The following NEXMIF variants were observed in gnomAD, a reference collection of about 807,000 sequenced individuals.
The protein encoded by NEXMIF is neurite extension and migration factor, also known as XLMR protein related to neurite extension.
NEXMIF carries 8 observed loss-of-function variants against 62.1 expected under a neutral mutation model. The ratio of observed to expected loss-of-function variants is 0.13; its 90% CI spans 0.08 to 0.23. The LOEUF is 0.23. Ranked by LOEUF, NEXMIF falls within the 10% of genes least tolerant of loss-of-function variation. NEXMIF has a pLI of 1.00. For synonymous variants in NEXMIF, 404 were observed against 416.6 expected, an observed-to-expected ratio of 0.97 and a Z score of 0.37; for missense variants, 976 against 1,113.3, an observed-to-expected ratio of 0.88 and a Z score of 1.75.
chrX:74,742,612 T>G lies in NEXMIF; in HGVS notation c.1945A>C (p.Ser649Arg). 1 of 1,211,175 alleles carries G rather than the reference T, an allele frequency of 8.3e-7. No individual in the cohort carries two copies. The highest frequency in any genetic ancestry group is 1.1e-6 in the Non-Finnish European group (1 of 895,088). ...QRIPSIEISASSKQISLCNDQ... is the reference protein window; with the variant it reads ...QRIPSIEISARSKQISLCNDQ... Reference sequence around the variant, plus strand: ...TTACATAATGAAATCTGTTTACTACTTGCTGAAATTTCAATGGATGGGATT... The same window carrying G: ...TTACATAATGAAATCTGTTTACTACGTGCTGAAATTTCAATGGATGGGATT... The change falls in exon 3 of 4, where the codon AGT becomes CGT. Residue 649 changes from serine to arginine, a missense_variant. By Grantham distance (110) the Ser-to-Arg change is moderately radical. Coordinates refer to ENST00000055682, the MANE Select transcript of NEXMIF (RefSeq NM_001008537.3).
chrX:74,818,119 T>TA (rs781110243), intron 1 of NEXMIF, among the ~76,000 whole-genome samples: 1 of 109,741 alleles, frequency 9.1e-6, no homozygotes, highest in Non-Finnish European at 1.9e-5. Flanking sequence ...AAAAAAATTA[T>TA]AAAAAAAACT....
intron 1 of NEXMIF, among the ~76,000 whole-genome samples, chrX:74,768,566 CTG>C (rs1288808439): frequency 8.9e-6 from 1 of 112,305 alleles, no homozygotes; most frequent in African/African-American, 3.2e-5. Flanking sequence ...GGGAGGAAGA[CTG>C]TAGCTCAACA....
chrX:74,895,138 A>G lies in NEXMIF; in HGVS notation c.-48+29745T>C, dbSNP rs374851069. On this transcript the variant is annotated intron_variant, in intron 1 of 3. Coordinates refer to ENST00000055682, the MANE Select transcript of NEXMIF (RefSeq NM_001008537.3). ...TGATGTTTCAGGAGACAAAATCAACATACAAAAAACAATAGCATTTCTATA... is the reference window on the plus strand; with the variant it reads ...TGATGTTTCAGGAGACAAAATCAACGTACAAAAAACAATAGCATTTCTATA... Among the ~76,000 whole-genome samples the G allele has an allele frequency of 6.2e-5, 7 of 112,717 alleles. No individual in the cohort carries two copies. The South Asian group carries it at 2.2e-3, about 35-fold the overall frequency.
chrX:74,793,018 A>T (rs1220959128), intron 1 of NEXMIF, among the ~76,000 whole-genome samples: 1 of 108,678 alleles, frequency 9.2e-6, no homozygotes, highest in African/African-American at 3.4e-5. Flanking sequence ...TCCTGTCATT[A>T]TGATGTTAGC....
At chrX:74,765,086 G>A (rs1450651805) in intron 1 of NEXMIF, among the ~76,000 whole-genome samples, 2 of 111,908 alleles carry the variant, frequency 1.8e-5, no homozygotes, top group African/African-American at 6.5e-5. Context: ...CTAAGAACTT[G>A]CTTTATGAAT....
chrX:74,755,795 T>C (rs371759124), intron 1 of NEXMIF, among the ~76,000 whole-genome samples: 4 of 112,201 alleles, frequency 3.6e-5, no homozygotes, highest in African/African-American at 1.3e-4. Flanking sequence ...TGCTTAGACC[T>C]TTTCACAGCC....
In NEXMIF at chrX:74,740,316, T is replaced by C. The variant is rs746566587; in HGVS notation, c.4241A>G (p.Asn1414Ser). The C allele has an allele frequency of 9.1e-6, 11 of 1,211,536 alleles. No individual in the cohort carries two copies. Among genetic ancestry groups the C allele is most frequent in the Non-Finnish European group, 1.2e-5 (11 of 895,393 alleles). The change falls in exon 3 of 4, where the codon AAC becomes AGC. Residue 1414 changes from asparagine to serine, a missense_variant. This residue lies in a region of NEXMIF where 137 missense variants were observed against 128.9 expected (regional missense o/e 1.06). Transcript: ENST00000055682. ...AGAGTCCTCGTTATAACCAGGCATG[T>C]TTGCACGACCAGGATCACCTATTGC... ...KTAIGDPGRA[N>S]MPGYNEDSRS... is the part of the protein sequence containing the mutation.
At chrX:74,910,250 G>T (rs1006681078) in intron 1 of NEXMIF, among the ~76,000 whole-genome samples, 1 of 112,546 alleles carries the variant, frequency 8.9e-6, no homozygotes, top group Non-Finnish European at 1.9e-5. Context: ...AAGCCACAGA[G>T]GTGGAGCTGC....
Position 74,810,635 on chromosome X carries a change from CA to C in NEXMIF, c.-47-64939del, listed in dbSNP as rs55839741. 1.8e-3 allele frequency among the ~76,000 whole-genome samples: 133 copies of C among 72,794 alleles called. 1 individual carries two copies. In the East Asian group the frequency reaches 0.052, roughly 28 times the overall value. The allele number at this position is 72,794 out of a possible 115,157, so 63.2% of individuals were successfully genotyped here. On this transcript the variant is annotated intron_variant, in intron 1 of 3. Transcript: ENST00000055682. ...GCAACATGGCAAAACCCTCCCTCTA[CA>C]AAAAAAAAAAAAAAGGAAATCTGTC...
chrX:74,873,422 G>A (rs1430795651), intron 1 of NEXMIF, among the ~76,000 whole-genome samples: 2 of 111,847 alleles, frequency 1.8e-5, no homozygotes, highest in African/African-American at 3.3e-5. Flanking sequence ...CCAAGTCTTT[G>A]CTATTGTGAA....
At chrX:74,898,198 T>A (rs1602271080) in intron 1 of NEXMIF, among the ~76,000 whole-genome samples, 1 of 112,074 alleles carries the variant, frequency 8.9e-6, no homozygotes, top group East Asian at 2.8e-4. Flanking sequence ...AGCCAGATAA[T>A]TACAGTCAAC....
chrX:74,854,322 C>A (rs755479607), intron 1 of NEXMIF, among the ~76,000 whole-genome samples: 59 of 111,917 alleles, frequency 5.3e-4, no homozygotes, highest in Non-Finnish European at 8.3e-4. Flanking sequence ...TGACGGACAA[C>A]AATAATATGA....
At chrX:74,849,352 G>C (rs2080505128) in intron 1 of NEXMIF, among the ~76,000 whole-genome samples, 1 of 112,439 alleles carries the variant, frequency 8.9e-6, no homozygotes, top group East Asian at 2.8e-4. Context: ...TGCAGGAAAA[G>C]GGTATGTGAG....
intron 1 of NEXMIF, among the ~76,000 whole-genome samples, chrX:74,787,391 C>T (rs894218020): frequency 2.7e-5 from 3 of 111,555 alleles, no homozygotes; most frequent in Non-Finnish European, 5.7e-5. Context: ...TCTCCGTGAC[C>T]AGTAATAATA....
intron 1 of NEXMIF, among the ~76,000 whole-genome samples, chrX:74,817,298 T>C (rs1230547615): frequency 8.9e-6 from 1 of 111,798 alleles, no homozygotes; most frequent in Non-Finnish European, 1.9e-5. Flanking sequence ...ATGGCCTAAG[T>C]CTTAAACTGC....
chrX:74,877,773 T>C (rs2080643110), intron 1 of NEXMIF, among the ~76,000 whole-genome samples: 1 of 112,265 alleles, frequency 8.9e-6, no homozygotes, highest in African/African-American at 3.2e-5. Context: ...TTTCTTGCAG[T>C]TGATCGCATC....
intron 1 of NEXMIF, among the ~76,000 whole-genome samples, chrX:74,877,610 C>T (rs898732234): frequency 5.4e-5 from 6 of 111,470 alleles, no homozygotes; most frequent in South Asian, 3.8e-4. Context: ...CCATTCTCCC[C>T]GTCACTTTCA....
intron 1 of NEXMIF, among the ~76,000 whole-genome samples, chrX:74,832,099 T>A (rs939367667): frequency 8.9e-6 from 1 of 112,244 alleles, no homozygotes; most frequent in Non-Finnish European, 1.9e-5. Context: ...TTGTTTGTTT[T>A]GGTTATTAGA....
chrX:74,820,441 T>C (rs1350204138), intron 1 of NEXMIF, among the ~76,000 whole-genome samples: 1 of 111,154 alleles, frequency 9.0e-6, no homozygotes, highest in Non-Finnish European at 1.9e-5. Context: ...GGAAAATCAA[T>C]GTGATGATTT....
Sources: allele counts gnomAD v4.1 joint callset (sites outside exome capture counted in the v4.1 genomes callset), GRCh38; gene constraint gnomAD v4.1.1; regional missense constraint gnomAD v4.1.1; transcripts MANE v1.5; gene names NCBI Gene and HGNC (gene_info 2026-07-23, HGNC 2026-07-21).